Variants in BMP5 observed in about 807,000 individuals in gnomAD.
BMP5 encodes the protein bone morphogenetic protein 5.
A neutral mutation model predicts 46.6 loss-of-function variants in BMP5; 23 were observed. The ratio of observed to expected loss-of-function variants is 0.49; its 90% CI spans 0.35 to 0.70. The LOEUF (loss-of-function observed/expected upper bound fraction) is 0.70, where lower values mean the gene tolerates loss of function less well. Ranked by LOEUF, BMP5 falls within the 30% of genes least tolerant of loss-of-function variation. The pLI is 0.00. For missense variants in BMP5, 545 were observed against 565.6 expected (o/e 0.96, Z 0.37); for synonymous variants, 204 against 191.9 (o/e 1.06, Z -0.52).
intron 1 of BMP5, among the ~76,000 whole-genome samples, chr6:55,864,174 T>C (rs577305740): frequency 1.1e-3 from 168 of 152,274 alleles, no homozygotes; most frequent in African/African-American, 3.9e-3. Context: ...AATATGTAGC[T>C]GGAATCTGTA....
At chr6:55,855,498 G>T (rs1777371774) in intron 1 of BMP5, among the ~76,000 whole-genome samples, 1 of 152,040 alleles carries the variant, frequency 6.6e-6, no homozygotes, top group Admixed American at 6.6e-5. Flanking sequence ...CTTTTTATTT[G>T]TTTGGGATTT....
In BMP5 at chr6:55,814,304, A is replaced by G. The variant is rs562134517; in HGVS notation, c.683+5351T>C. 5.3e-5 allele frequency among the ~76,000 whole-genome samples: 8 copies of G among 152,314 alleles called. No individual in the cohort carries two copies. In the East Asian group the frequency reaches 1.2e-3, roughly 22 times the overall value. ...AAAAAACAATTTTTTGCCATTATGT[A>G]TATAGTTCTGTAAACTAACATAGAT... On this transcript the variant is annotated intron_variant, in intron 2 of 6. Coordinates refer to ENST00000370830, the MANE Select transcript of BMP5 (RefSeq NM_021073.4).
chr6:55,855,661 A>G (rs532588228), intron 1 of BMP5, among the ~76,000 whole-genome samples: 9 of 152,146 alleles, frequency 5.9e-5, no homozygotes, highest in Non-Finnish European at 1.3e-4. Context: ...TTCATGGAGT[A>G]TGTTTAATCA....
Position 55,819,741 on chromosome 6 carries a change from C to G in BMP5, c.597G>C (p.Arg199=), listed in dbSNP as rs1422253471. 1 of 1,613,732 alleles carries G rather than the reference C, an allele frequency of 6.2e-7. No homozygotes were observed. The highest frequency in any genetic ancestry group is 8.5e-7 in the Non-Finnish European group (1 of 1,179,846). Reference sequence around the variant, plus strand: ...GGTTGTTGCTCCGGTCCTTGTATATCCGGAATTCAGCTGCTGTCACTGCCT... The same window carrying G: ...GGTTGTTGCTCCGGTCCTTGTATATGCGGAATTCAGCTGCTGTCACTGCCT... ...HGEAVTAAEF[R]IYKDRSNNRF... The change falls in exon 2 of 7, where the codon CGG becomes CGC. Residue 199 remains arginine, a synonymous_variant. Coordinates refer to ENST00000370830, the MANE Select transcript of BMP5 (RefSeq NM_021073.4).
rs544823044 is a variant in BMP5 at position 55,836,508 on chromosome 6, C to T, written c.491-16661G>A. Among the ~76,000 whole-genome samples the T allele has an allele frequency of 2.6e-5, 4 of 152,138 alleles. No individual in the cohort carries two copies. The South Asian group carries it at 8.3e-4, about 32-fold the overall frequency. On this transcript the variant is annotated intron_variant, in intron 1 of 6. Transcript: ENST00000370830. ...TGGTTAGCCAAGTTATGTGATAAAT[C>T]AGTAGTCAGAATGAGATTTTTGTCT...
intron 2 of BMP5, among the ~76,000 whole-genome samples, chr6:55,807,027 T>C (rs930090040): frequency 6.6e-6 from 1 of 152,304 alleles, no homozygotes; most frequent in East Asian, 1.9e-4. Flanking sequence ...AGAGACAATT[T>C]GACCTCCTCT....
chr6:55,834,571 G>T (rs777412702), intron 1 of BMP5, among the ~76,000 whole-genome samples: 8 of 151,922 alleles, frequency 5.3e-5, no homozygotes, highest in Non-Finnish European at 1.0e-4. Context: ...TTTAGATTAT[G>T]GCTATAAAAA....
chr6:55,788,606 C>A (rs1401781907), intron 3 of BMP5, among the ~76,000 whole-genome samples: 1 of 151,764 alleles, frequency 6.6e-6, no homozygotes, highest in Non-Finnish European at 1.5e-5. Context: ...AATCTCTAGT[C>A]CAATTTATCA....
In BMP5 at chr6:55,845,588, T is replaced by C. The variant is rs377501124; in HGVS notation, c.491-25741A>G. Among the ~76,000 whole-genome samples, 81 of 152,072 alleles carry C rather than the reference T, an allele frequency of 5.3e-4. No homozygotes were observed. In the South Asian group the frequency reaches 0.016, roughly 31 times the overall value. ...GCAACATTGTACTGACACTTTAAAA[T>C]TACTTTAATATCCAACATATGGACC... On this transcript the variant is annotated intron_variant, in intron 1 of 6. Transcript: ENST00000370830.
At chr6:55,806,359 G>T (rs994394547) in intron 2 of BMP5, among the ~76,000 whole-genome samples, 1 of 152,134 alleles carries the variant, frequency 6.6e-6, no homozygotes, top group African/African-American at 2.4e-5. Context: ...TGTCTGGTTT[G>T]TTGACAATCA....
chr6:55,821,071 T>C (rs1011335316), intron 1 of BMP5, among the ~76,000 whole-genome samples: 4 of 152,120 alleles, frequency 2.6e-5, no homozygotes, highest in Non-Finnish European at 5.9e-5. Context: ...GCTATACATA[T>C]ATGAAACTTA....
intron 1 of BMP5, chr6:55,865,355 G>C: frequency 2.1e-6 from 1 of 470,546 alleles, no homozygotes; most frequent in Non-Finnish European, 4.3e-6. Context: ...AAATGGAACA[G>C]GTAATATCTA....
At chr6:55,820,575 A>T (rs915978838) in intron 1 of BMP5, among the ~76,000 whole-genome samples, 21 of 151,750 alleles carry the variant, frequency 1.4e-4, no homozygotes, top group Admixed American at 1.4e-3. Flanking sequence ...GCACCACCAC[A>T]CCCAGCCAAT....
chr6:55,791,096 A>G (rs970513611), intron 3 of BMP5, among the ~76,000 whole-genome samples: 12 of 152,194 alleles, frequency 7.9e-5, no homozygotes, highest in African/African-American at 2.7e-4. Flanking sequence ...TTAGAAGAAA[A>G]CGTTAGGAAT....
intron 4 of BMP5, among the ~76,000 whole-genome samples, chr6:55,764,571 C>CAA (rs57293392): frequency 1.5e-4 from 17 of 110,142 alleles, no homozygotes; most frequent in African/African-American, 5.3e-4. Flanking sequence ...GACTCTGTCT[C>CAA]AAAAAAAAAA....
intron 1 of BMP5, among the ~76,000 whole-genome samples, chr6:55,841,217 G>T (rs1048489948): frequency 6.6e-6 from 1 of 152,098 alleles, no homozygotes; most frequent in Admixed American, 6.6e-5. Context: ...TGCCACAAAG[G>T]TTAGGGGCTG....
At chr6:55,855,574 G>C (rs1211270641) in intron 1 of BMP5, among the ~76,000 whole-genome samples, 3 of 152,100 alleles carry the variant, frequency 2.0e-5, no homozygotes, top group African/African-American at 2.4e-5. Flanking sequence ...ACAACCCTTA[G>C]ACGAATTAAT....
rs1344436004 is a variant in BMP5, at chr6:55,829,122, CTGA to C, written c.491-9278_491-9276del. Among the ~76,000 whole-genome samples, 3 of 151,702 alleles carry C rather than the reference CTGA, an allele frequency of 2.0e-5. No homozygotes were observed. The South Asian group carries it at 6.2e-4, about 31-fold the overall frequency. ...CACTCTAAAATTAATATAGGAGTAG[CTGA>C]TGTTCTGTTCTGTTTAGGCAAGAAC... On this transcript the variant is annotated intron_variant, in intron 1 of 6. Coordinates refer to ENST00000370830, the MANE Select transcript of BMP5 (RefSeq NM_021073.4).
chr6:55,769,330 A>C (rs1277278213), intron 4 of BMP5, among the ~76,000 whole-genome samples: 1 of 151,944 alleles, frequency 6.6e-6, no homozygotes, highest in Non-Finnish European at 1.5e-5. Context: ...CTTTGTTGTC[A>C]TTACAATTGC....
Sources: gnomAD v4.1 joint callset for allele counts (sites outside exome capture counted in the v4.1 genomes callset) on GRCh38, gnomAD v4.1.1 for gene constraint, MANE v1.5 for transcripts, NCBI Gene and HGNC (gene_info 2026-07-23, HGNC 2026-07-21) for gene names.